Variants in P2RX7 observed in about 807,000 individuals in gnomAD.
P2RX7 encodes purinergic receptor P2X 7, also known as P2X purinoceptor 7.
Under a neutral mutation model 71.6 loss-of-function variants are expected in P2RX7, and 62 were observed. That is an observed-to-expected ratio of 0.87 (90% CI 0.71 to 1.07). The LOEUF is 1.07. P2RX7 is among the 50% of genes least tolerant of loss of function. The probability of loss-of-function intolerance (pLI) is 0.00; values close to 1 mark genes in which losing one functional copy is unlikely to be tolerated. For synonymous variants in P2RX7, 299 were observed against 283.3 expected (o/e 1.06, Z -0.56); for missense variants, 686 against 748.5 (o/e 0.92, Z 0.97).
rs145062235 is a variant in P2RX7 at position 121,150,972 on chromosome 12, G to A, written c.126-3813G>A. 1.8e-4 allele frequency among the ~76,000 whole-genome samples: 28 copies of A among 152,232 alleles called. No individual in the cohort carries two copies. The East Asian group carries it at 4.4e-3, about 24-fold the overall frequency. On this transcript the variant is annotated intron_variant, in intron 1 of 12. Transcript: ENST00000328963. ...GTATTGTGCATAATATAACACCCAC[G>A]TACCACCATCCAACTTAAGAAATAA...
chr12:121,184,283 G>A (rs1164211710), intron 12 of P2RX7, 22 bp from the exon 13 acceptor site: 16 of 1,571,012 alleles, frequency 1.0e-5, no homozygotes, highest in Non-Finnish European at 1.4e-5. Flanking sequence ...TGGCTAATAG[G>A]TTTGGAAACT....
chr12:121,142,289 A>G (rs918948481), intron 1 of P2RX7, among the ~76,000 whole-genome samples: 29 of 152,144 alleles, frequency 1.9e-4, no homozygotes, highest in African/African-American at 7.0e-4. Flanking sequence ...GCAAAATTCA[A>G]TCCCTTGAGG....
chr12:121,177,521 A>C (rs1346445309), intron 11 of P2RX7, 75 bp downstream of exon 11: 2 of 1,431,216 alleles, frequency 1.4e-6, no homozygotes, highest in African/African-American at 1.4e-5. Flanking sequence ...CACGAAAATT[A>C]GGCCCAAATC....
At position 121,170,023 on chromosome 12, in the gene P2RX7, C is replaced by T. The variant is rs538407659; in HGVS notation, c.881+2399C>T. Among the ~76,000 whole-genome samples, 4 of 152,290 alleles carry T rather than the reference C, an allele frequency of 2.6e-5. No homozygotes were observed. The South Asian group carries it at 6.2e-4, about 24-fold the overall frequency. On this transcript the variant is annotated intron_variant, in intron 8 of 12. Coordinates refer to ENST00000328963, the MANE Select transcript of P2RX7 (RefSeq NM_002562.6). ...TAGTGCTTATACCTGGCCCACATCACTCATTTCTGTCATCTGCCTGGCCCC... is the reference window on the plus strand; with the variant it reads ...TAGTGCTTATACCTGGCCCACATCATTCATTTCTGTCATCTGCCTGGCCCC...
chr12:121,176,437 G>A (rs113697830), intron 9 of P2RX7, among the ~76,000 whole-genome samples: 1 of 152,180 alleles, frequency 6.6e-6, no homozygotes. Flanking sequence ...CTGAGAGAAT[G>A]CAAAGACCGC....
chr12:121,162,420 A>G lies in P2RX7; in HGVS notation c.437-4A>G. On this transcript the variant is annotated splice_region_variant and splice_polypyrimidine_tract_variant and intron_variant, in intron 4 of 12. Transcript: ENST00000328963. Reference sequence around the variant, plus strand: ...GTGGTTCTACGATGCTTTGACCCCTATAGGAATTCAGACCGGAAGGTGTGT... The same window carrying G: ...GTGGTTCTACGATGCTTTGACCCCTGTAGGAATTCAGACCGGAAGGTGTGT... The G allele has an allele frequency of 6.2e-7, 1 of 1,613,718 alleles. No homozygotes were observed. Among genetic ancestry groups the G allele is most frequent in the Non-Finnish European group, 8.5e-7 (1 of 1,179,896 alleles).
At chr12:121,165,275 C>A in intron 5 of P2RX7, 82 bp from the exon 6 acceptor site, 1 of 1,040,678 alleles carries the variant, frequency 9.6e-7, no homozygotes, top group Non-Finnish European at 1.5e-6. Flanking sequence ...GCCAAGAAAC[C>A]AGAAGCCTCT....
Position 121,177,454 on chromosome 12 carries a change from C to T in P2RX7, c.1188+8C>T, listed in dbSNP as rs1281516116. The T allele has an allele frequency of 6.8e-6, 11 of 1,612,264 alleles. No individual in the cohort carries two copies. Among genetic ancestry groups the T allele is most frequent in the African/African-American group, 2.7e-5 (2 of 74,950 alleles). On this transcript the variant is annotated splice_region_variant and intron_variant, in intron 11 of 12. Transcript: ENST00000328963. ...ATTGTGGAGCCAAAGCCGGTGAGGC[C>T]GCTGTGTTCACAGGACACCAAGACA...
At position 121,180,472 on chromosome 12, in the gene P2RX7, TG is replaced by T; in HGVS notation, c.1290+18del. ...GAAGTCCCAGTAAGTTAAATCATTT[TG>T]TCTTTTTTTTTTTTTTAAGAAAATT... On this transcript the variant is annotated intron_variant, in intron 12 of 12. Transcript: ENST00000328963. 4 of 1,414,550 alleles carry T rather than the reference TG, an allele frequency of 2.8e-6. No homozygotes were observed. The highest frequency in any genetic ancestry group is 2.5e-5 in the South Asian group (2 of 79,736). 87.6% of individuals were successfully genotyped at this position (1,414,550 alleles called of 1,614,324 possible).
chr12:121,144,544 T>G (rs1875726999), intron 1 of P2RX7, among the ~76,000 whole-genome samples: 1 of 152,192 alleles, frequency 6.6e-6, no homozygotes. Flanking sequence ...TCAGAAAGAT[T>G]AAGTCACTTA....
At chr12:121,166,929 G>A (rs1244125658) in intron 7 of P2RX7, among the ~76,000 whole-genome samples, 1 of 151,028 alleles carries the variant, frequency 6.6e-6, no homozygotes, top group African/African-American at 2.4e-5. Flanking sequence ...GCAGGCTCCT[G>A]TAATCCCAGC....
At chr12:121,159,767 C>G (rs530785870) in intron 3 of P2RX7, among the ~76,000 whole-genome samples, 1 of 152,252 alleles carries the variant, frequency 6.6e-6, no homozygotes, top group South Asian at 2.1e-4. Context: ...GTCTCATTTT[C>G]TTGGGCCAGG....
intron 1 of P2RX7, among the ~76,000 whole-genome samples, chr12:121,136,114 T>C (rs1396527072): frequency 6.9e-6 from 1 of 144,296 alleles, no homozygotes; most frequent in Non-Finnish European, 1.5e-5. Flanking sequence ...TATATATTTA[T>C]ATATATTTAT....
intron 8 of P2RX7, among the ~76,000 whole-genome samples, chr12:121,167,874 G>T (rs573911218): frequency 6.7e-6 from 1 of 149,952 alleles, no homozygotes; most frequent in Admixed American, 6.7e-5. Context: ...GTGCAGTGGC[G>T]CCATCTCAGT....
intron 1 of P2RX7, among the ~76,000 whole-genome samples, chr12:121,153,550 C>T (rs184469527): frequency 5.3e-5 from 8 of 152,136 alleles, no homozygotes; most frequent in East Asian, 1.9e-4. Flanking sequence ...TGGTGGTACG[C>T]GCCTGTAATC....
At chr12:121,179,168 A>G (rs1474863743) in intron 11 of P2RX7, among the ~76,000 whole-genome samples, 6 of 152,110 alleles carry the variant, frequency 3.9e-5, no homozygotes, top group East Asian at 3.9e-4. Flanking sequence ...GTTCAACTCC[A>G]TGATTTTCCC....
chr12:121,177,083 A>G, intron 9 of P2RX7, 64 bp from the exon 10 acceptor site: 1 of 1,402,690 alleles, frequency 7.1e-7, no homozygotes, highest in Non-Finnish European at 1.0e-6. Flanking sequence ...CAACAATTGC[A>G]CGTTGAAGCA....
At chr12:121,136,804 G>T (rs548189361) in intron 1 of P2RX7, among the ~76,000 whole-genome samples, 9 of 151,430 alleles carry the variant, frequency 5.9e-5, no homozygotes, top group Non-Finnish European at 1.3e-4. Flanking sequence ...ACACCACCAC[G>T]CCCAGCTAAT....
intron 5 of P2RX7, among the ~76,000 whole-genome samples, chr12:121,163,135 T>C (rs1565957830): frequency 6.6e-6 from 1 of 152,158 alleles, no homozygotes; most frequent in Non-Finnish European, 1.5e-5. Context: ...TAGAAAGACC[T>C]GGATTCAATT....
Sources: gnomAD v4.1 joint callset for allele counts (sites outside exome capture counted in the v4.1 genomes callset) on GRCh38, gnomAD v4.1.1 for gene constraint, MANE v1.5 for transcripts, NCBI Gene and HGNC (gene_info 2026-07-23, HGNC 2026-07-21) for gene names.